ESYT3: variants seen among roughly 807,000 people sequenced by gnomAD.
ESYT3 encodes the protein extended synaptotagmin 3.
Under a neutral mutation model 111.5 loss-of-function variants are expected in ESYT3, and 101 were observed. That is an observed-to-expected ratio of 0.91 (90% CI 0.77 to 1.07). The LOEUF (loss-of-function observed/expected upper bound fraction) is 1.07, where lower values mean the gene tolerates loss of function less well. ESYT3 is among the 50% of genes least tolerant of loss of function. The pLI, the probability that ESYT3 is intolerant of heterozygous loss-of-function variation, is 0.00. For synonymous variants in ESYT3, 416 were observed against 446.8 expected, an observed-to-expected ratio of 0.93 and a Z score of 0.87; for missense variants, 1,097 against 1,109.4, an observed-to-expected ratio of 0.99 and a Z score of 0.16.
chr3:138,437,669 G>C (rs979347556), intron 1 of ESYT3, among the ~76,000 whole-genome samples: 9 of 152,156 alleles, frequency 5.9e-5, no homozygotes, highest in African/African-American at 2.2e-4. Flanking sequence ...AAGCAGCATG[G>C]TGGGACGAGG....
In ESYT3 at chr3:138,434,790, G is replaced by A. The variant is rs763778791; in HGVS notation, c.-9G>A. ...AAGCTCTCGGGAAGGGCAAGACTGCGGCGACGAGATGCGAGCAGAGGAGCC... is the reference window on the plus strand; with the variant it reads ...AAGCTCTCGGGAAGGGCAAGACTGCAGCGACGAGATGCGAGCAGAGGAGCC... On this transcript the variant is annotated 5_prime_UTR_variant, in exon 1 of 23. Coordinates refer to ENST00000389567, the MANE Select transcript of ESYT3 (RefSeq NM_031913.5). 14 of 1,539,612 alleles carry A rather than the reference G, an allele frequency of 9.1e-6. No homozygotes were observed. The South Asian group carries it at 9.9e-5, about 11-fold the overall frequency.
chr3:138,473,411 A>G, intron 18 of ESYT3, 125 bp from the exon 19 acceptor site: 1 of 803,004 alleles, frequency 1.2e-6, no homozygotes, highest in Non-Finnish European at 2.0e-6. Context: ...AAGTAAACTC[A>G]CTGTGAATTA....
intron 2 of ESYT3, among the ~76,000 whole-genome samples, chr3:138,453,078 CAG>C (rs2032047513): frequency 6.6e-6 from 1 of 152,148 alleles, no homozygotes; most frequent in Admixed American, 6.5e-5. Context: ...AGCAAAAGAA[CAG>C]AGAACATTCT....
intron 15 of ESYT3, 103 bp from the exon 16 acceptor site, chr3:138,469,957 A>G: frequency 2.2e-6 from 2 of 919,212 alleles, no homozygotes; most frequent in South Asian, 3.2e-5. Flanking sequence ...CATATAGGTA[A>G]GGTTCCCAAT....
chr3:138,434,617 CATTTCCA>C lies in ESYT3; in HGVS notation c.-181_-175del. ...TGGGGCGGCGCGGCGCGGCGCGGTG[CATTTCCA>C]GGCGCTGCTCTCCGTCGCAGAGAAC... On this transcript the variant is annotated 5_prime_UTR_variant, in exon 1 of 23. Transcript: ENST00000389567. 1.7e-6 allele frequency: 1 copy of C among 573,170 alleles called. No homozygotes were observed. The highest frequency in any genetic ancestry group is 2.9e-6 in the Non-Finnish European group (1 of 341,030). The allele number at this position is 573,170 out of a possible 1,614,324, so 35.5% of individuals were successfully genotyped here.
At position 138,457,987 on chromosome 3, in the gene ESYT3, C is replaced by T. The variant is rs145487504; in HGVS notation, c.581+343C>T. On this transcript the variant is annotated intron_variant, in intron 4 of 22. Coordinates refer to ENST00000389567, the MANE Select transcript of ESYT3 (RefSeq NM_031913.5). Reference sequence around the variant, plus strand: ...AGGCTGTGAGAGGTCAGCTGGAGACCTGGGCTCTGCGGCACCTCAGGAAAA... The same window carrying T: ...AGGCTGTGAGAGGTCAGCTGGAGACTTGGGCTCTGCGGCACCTCAGGAAAA... Among the ~76,000 whole-genome samples, 299 of 152,238 alleles carry T rather than the reference C, an allele frequency of 2.0e-3. 2 individuals are homozygous for T. The highest frequency in any genetic ancestry group is 6.9e-3 in the African/African-American group (288 of 41,518).
In ESYT3 at chr3:138,468,701, G is replaced by C. The variant is rs750241078; in HGVS notation, c.1355G>C (p.Ser452Thr). The C allele has an allele frequency of 6.2e-7, 1 of 1,614,042 alleles. No individual in the cohort carries two copies. ...GCCATTCTCGTGGTCTTCTTGGAGAGTGCCTGCAACTTGCCGGTGAGTGGC... is the reference window on the plus strand; with the variant it reads ...GCCATTCTCGTGGTCTTCTTGGAGACTGCCTGCAACTTGCCGGTGAGTGGC... Reference protein sequence around the residue: ...STAILVVFLESACNLPRNPFD... With the variant: ...STAILVVFLETACNLPRNPFD... Residue 452 changes from serine (S) to threonine (T), a missense_variant, in exon 13 of 23, where the codon AGT (serine) becomes ACT (threonine). Physicochemically the swap from Ser to Thr is moderately conservative, Grantham distance 58 (BLOSUM62 1). Coordinates refer to ENST00000389567, the MANE Select transcript of ESYT3 (RefSeq NM_031913.5).
Position 138,476,603 on chromosome 3 carries a change from C to T in ESYT3, c.2624+111C>T, listed in dbSNP as rs1332151996. 4 of 1,155,302 alleles carry T rather than the reference C, an allele frequency of 3.5e-6. No individual in the cohort carries two copies. The East Asian group carries it at 9.4e-5, about 27-fold the overall frequency. 71.6% of individuals were successfully genotyped at this position (1,155,302 alleles called of 1,614,324 possible). On this transcript the variant is annotated intron_variant, in intron 22 of 22. Transcript: ENST00000389567. ...ATCAAGAAGGGAGGGAGATGAACACCTTTATTTAAGGCTTTACTGCCTGCA... is the reference window on the plus strand; with the variant it reads ...ATCAAGAAGGGAGGGAGATGAACACTTTTATTTAAGGCTTTACTGCCTGCA...
chr3:138,473,446 T>C, intron 18 of ESYT3, 90 bp from the exon 19 acceptor site: 1 of 1,173,378 alleles, frequency 8.5e-7, no homozygotes, highest in South Asian at 1.3e-5. Flanking sequence ...TCTATACTCC[T>C]CAAGCAGGAA....
chr3:138,442,212 C>T (rs1443017526), intron 1 of ESYT3, among the ~76,000 whole-genome samples: 1 of 151,702 alleles, frequency 6.6e-6, no homozygotes, highest in Non-Finnish European at 1.5e-5. Flanking sequence ...ATTTTATAAT[C>T]CCTCCACCCA....
chr3:138,472,954 A>G, intron 18 of ESYT3, 95 bp downstream of exon 18: 1 of 1,518,884 alleles, frequency 6.6e-7, no homozygotes, highest in Non-Finnish European at 8.8e-7. Flanking sequence ...TTTCTGTGCA[A>G]GTTGTTTTTT....
In ESYT3 at chr3:138,476,229, A is replaced by AT; in HGVS notation, c.2481dup (p.Val828CysfsTer18). On this transcript the variant is annotated frameshift_variant, in exon 21 of 23. Coordinates refer to ENST00000389567, the MANE Select transcript of ESYT3 (RefSeq NM_031913.5). LOFTEE classifies it high-confidence loss of function. ...TCCTTTTTGCTTCCTAAAGATTTGAATTTTTTGTTCCCATGGAAGAAGTAA... is the reference window on the plus strand; with the variant it reads ...TCCTTTTTGCTTCCTAAAGATTTGAATTTTTTTGTTCCCATGGAAGAAGTAA... 6.2e-7 allele frequency: 1 copy of AT among 1,608,692 alleles called. No individual in the cohort carries two copies. The highest frequency in any genetic ancestry group is 8.5e-7 in the Non-Finnish European group (1 of 1,176,364).
At chr3:138,436,640 C>A (rs1459272194) in intron 1 of ESYT3, among the ~76,000 whole-genome samples, 1 of 152,196 alleles carries the variant, frequency 6.6e-6, no homozygotes, top group Non-Finnish European at 1.5e-5. Flanking sequence ...GCGCATGGGG[C>A]CTGACTCCCA....
intron 8 of ESYT3, among the ~76,000 whole-genome samples, chr3:138,463,155 C>A (rs1450094303): frequency 1.3e-5 from 2 of 151,932 alleles, no homozygotes; most frequent in Non-Finnish European, 2.9e-5. Flanking sequence ...AATGCAGTGG[C>A]GTGATCTTGG....
At chr3:138,437,360 C>T (rs57669473) in intron 1 of ESYT3, among the ~76,000 whole-genome samples, 5,562 of 152,294 alleles carry the variant, frequency 0.037, 328 homozygotes, top group African/African-American at 0.13. Context: ...CTGGCTTCAG[C>T]CTGCATTCTG....
chr3:138,467,482 G>T, intron 10 of ESYT3, 79 bp from the exon 11 acceptor site: 1 of 1,404,418 alleles, frequency 7.1e-7, no homozygotes. Flanking sequence ...TCTGAAAACA[G>T]AGTCCAGTGT....
chr3:138,468,087 T>G lies in ESYT3; in HGVS notation c.1219-18T>G. 6.2e-7 allele frequency: 1 copy of G among 1,613,762 alleles called. No homozygotes were observed. On this transcript the variant is annotated intron_variant, in intron 11 of 22. Transcript: ENST00000389567. ...CTCCCTGGCCCTTTTCCCTGAGCTT[T>G]CTGCCCCTACCCCACAGTGGTTTGT...
In ESYT3 at chr3:138,477,018, GA is replaced by G; in HGVS notation, c.*165del. 3 of 508,740 alleles carry G rather than the reference GA, an allele frequency of 5.9e-6. No individual in the cohort carries two copies. Among genetic ancestry groups the G allele is most frequent in the Non-Finnish European group, 1.0e-5 (3 of 294,438 alleles). 31.5% of individuals were successfully genotyped at this position (508,740 alleles called of 1,614,324 possible). A position where few individuals can be genotyped will look rare whatever the true frequency, so the allele number is the denominator to read the frequency against. ...ATTCTTGTGTGGAATTTAACTCCAT[GA>G]CTGAATAGCATAAGGAAGAGGTTAT... is the stretch of plus-strand genomic sequence containing the variant. On this transcript the variant is annotated 3_prime_UTR_variant, in exon 23 of 23. Coordinates refer to ENST00000389567, the MANE Select transcript of ESYT3 (RefSeq NM_031913.5).
At position 138,476,842 on chromosome 3, in the gene ESYT3, G is replaced by GC. The variant is rs766862386; in HGVS notation, c.2652dup (p.Arg885GlnfsTer61). 6.2e-7 allele frequency: 1 copy of GC among 1,613,906 alleles called. No homozygotes were observed. Among genetic ancestry groups the GC allele is most frequent in the South Asian group, 1.1e-5 (1 of 91,064 alleles). ...GGTATGAGCTGACTCCAAATGGACA[G>GC]CCCAGAAGCTGATGATGAGAATTCT... On this transcript the variant is annotated frameshift_variant, in exon 23 of 23. Transcript: ENST00000389567. LOFTEE classifies it high-confidence loss of function.
Sources: gnomAD v4.1 joint callset for allele counts (sites outside exome capture counted in the v4.1 genomes callset) on GRCh38, gnomAD v4.1.1 for gene constraint, MANE v1.5 for transcripts, NCBI Gene and HGNC (gene_info 2026-07-23, HGNC 2026-07-21) for gene names.